Variants in TRAP1 observed in about 807,000 individuals in gnomAD.
TRAP1 encodes the protein TNF receptor associated protein 1, also known as heat shock protein 75 kDa, mitochondrial.
TRAP1 carries 102 observed loss-of-function variants against 89.1 expected under a neutral mutation model. That is an observed-to-expected ratio of 1.15 (90% CI 0.98 to 1.35). The LOEUF (loss-of-function observed/expected upper bound fraction) is 1.35, where lower values mean the gene tolerates loss of function less well. Among genes scored for constraint, TRAP1 ranks in the 40% most tolerant of loss-of-function variants. TRAP1 has a pLI of 0.00. For synonymous variants in TRAP1, 508 were observed against 388.0 expected, an observed-to-expected ratio of 1.31 and a Z score of -3.64; for missense variants, 1,256 against 945.3, an observed-to-expected ratio of 1.33 and a Z score of -4.31.
chr16:3,695,994 G>T (rs577024334), intron 1 of TRAP1, among the ~76,000 whole-genome samples: 1 of 152,124 alleles, frequency 6.6e-6, no homozygotes, highest in Non-Finnish European at 1.5e-5. Context: ...AATCAATACC[G>T]GAACATTTAC....
Position 3,658,039 on chromosome 16 carries a change from G to T in TRAP1, c.*90C>A. 4 of 1,607,568 alleles carry T rather than the reference G, an allele frequency of 2.5e-6. No individual in the cohort carries two copies. The highest frequency in any genetic ancestry group is 2.2e-5 in the South Asian group (2 of 90,556). On this transcript the variant is annotated 3_prime_UTR_variant, in exon 18 of 18. Transcript: ENST00000246957. ...CAGAAAAAAAGCCCAACACACACTC[G>T]GGTTAAGAAATACCTTTAAATTTAG...
At chr16:3,711,911 C>A (rs17136481) in intron 1 of TRAP1, among the ~76,000 whole-genome samples, 3,115 of 152,236 alleles carry the variant, frequency 0.02, 56 homozygotes, top group South Asian at 0.051. Flanking sequence ...CCAAAAACGC[C>A]ATCCATGAAC....
intron 1 of TRAP1, among the ~76,000 whole-genome samples, chr16:3,712,285 CAAAAAAAAAAAAAAAAAAAA>C (rs764259574): frequency 1.6e-4 from 5 of 32,054 alleles, no homozygotes; most frequent in Non-Finnish European, 2.2e-4. Flanking sequence ...GAATCTGTCT[CAAAAAAAAAAAAAAAAAAAA>C]AAAAAAAAAA....
intron 13 of TRAP1, chr16:3,663,863 GGA>G (rs1411703061): frequency 5.0e-6 from 2 of 402,768 alleles, no homozygotes; most frequent in Non-Finnish European, 9.1e-6. Context: ...CATGAGGTCA[GGA>G]GTTCGAGACC....
At chr16:3,698,317 A>C (rs534565231) in intron 1 of TRAP1, among the ~76,000 whole-genome samples, 2 of 148,810 alleles carry the variant, frequency 1.3e-5, no homozygotes, top group East Asian at 2.1e-4. Flanking sequence ...TTCCACAACA[A>C]CTTTTTTTTT....
chr16:3,692,966 GT>G lies in TRAP1; in HGVS notation c.89-1982del, dbSNP rs34085145. Among the ~76,000 whole-genome samples, 157 of 143,858 alleles carry G rather than the reference GT, an allele frequency of 1.1e-3. 1 individual carries two copies. The highest frequency in any genetic ancestry group is 3.8e-3 in the African/African-American group (147 of 38,734). 94.4% of individuals were successfully genotyped at this position (143,858 alleles called of 152,430 possible). A position where few individuals can be genotyped will look rare whatever the true frequency, so the allele number is the denominator to read the frequency against. On this transcript the variant is annotated intron_variant, in intron 1 of 17. Transcript: ENST00000246957. ...AGCACAAACCTGGCCTTTTGTTTTT[GT>G]TTTTTTTTGAGATGGAGTCTCGCTC... is the stretch of plus-strand genomic sequence containing the variant.
chr16:3,698,318 CTTT>C (rs766928982), intron 1 of TRAP1, among the ~76,000 whole-genome samples: 2 of 141,664 alleles, frequency 1.4e-5, no homozygotes, highest in Non-Finnish European at 1.6e-5. Flanking sequence ...TCCACAACAA[CTTT>C]TTTTTTTTTT....
Position 3,698,678 on chromosome 16 carries a change from C to A in TRAP1, c.89-7693G>T, listed in dbSNP as rs112455953. On this transcript the variant is annotated intron_variant, in intron 1 of 17. Coordinates refer to ENST00000246957, the MANE Select transcript of TRAP1 (RefSeq NM_016292.3). ...TCCCAGCACTTTGGGAGGCCAAGGC[C>A]GGGGGGTCGCTTCAGCTCAGGAGTT... is the stretch of plus-strand genomic sequence containing the variant. Among the ~76,000 whole-genome samples the A allele has an allele frequency of 1.3e-4, 19 of 151,628 alleles. No homozygotes were observed. In the East Asian group the frequency reaches 2.0e-3, roughly 16 times the overall value.
At chr16:3,663,266 C>T (rs1280151549) in intron 14 of TRAP1, 158 bp downstream of exon 14, 3 of 957,332 alleles carry the variant, frequency 3.1e-6, no homozygotes, top group African/African-American at 3.3e-5. Flanking sequence ...CAGGAGGCAC[C>T]TTCCTCCAGT....
At chr16:3,666,604 G>C (rs556381537) in intron 11 of TRAP1, among the ~76,000 whole-genome samples, 21 of 151,590 alleles carry the variant, frequency 1.4e-4, no homozygotes, top group Non-Finnish European at 2.8e-4. Flanking sequence ...AATGACATGA[G>C]AAAGTTAGCT....
chr16:3,701,208 G>A (rs1303699810), intron 1 of TRAP1, among the ~76,000 whole-genome samples: 2 of 152,082 alleles, frequency 1.3e-5, no homozygotes, highest in African/African-American at 4.8e-5. Flanking sequence ...GAAAAAAGAA[G>A]GATATTTCAG....
At chr16:3,667,555 G>T (rs1469006090) in intron 11 of TRAP1, among the ~76,000 whole-genome samples, 1 of 151,318 alleles carries the variant, frequency 6.6e-6, no homozygotes, top group Non-Finnish European at 1.5e-5. Context: ...AATCCGGGAG[G>T]CAGAGGTTTC....
chr16:3,703,990 G>A (rs2051405071), intron 1 of TRAP1, among the ~76,000 whole-genome samples: 2 of 148,746 alleles, frequency 1.3e-5, no homozygotes, highest in Non-Finnish European at 3.0e-5. Context: ...ACTCCAGCCT[G>A]GGCGACAGAG....
At chr16:3,659,163 A>G (rs1220294395) in intron 16 of TRAP1, 2 of 308,838 alleles carry the variant, frequency 6.5e-6, no homozygotes, top group Non-Finnish European at 1.2e-5. Context: ...CTAGATAAAT[A>G]ATAAAAGAGA....
chr16:3,706,508 G>A lies in TRAP1; in HGVS notation c.88+10913C>T, dbSNP rs114987026. On this transcript the variant is annotated intron_variant, in intron 1 of 17. Coordinates refer to ENST00000246957, the MANE Select transcript of TRAP1 (RefSeq NM_016292.3). Reference sequence around the variant, plus strand: ...TAGGTTCTTGCTCTTTGACCAGGCTGAAGTGCAGTGGCACAATCACAGCTC... The same window carrying A: ...TAGGTTCTTGCTCTTTGACCAGGCTAAAGTGCAGTGGCACAATCACAGCTC... Among the ~76,000 whole-genome samples, 893 of 134,276 alleles carry A rather than the reference G, an allele frequency of 6.7e-3. 9 individuals carry two copies. Among genetic ancestry groups the A allele is most frequent in the African/African-American group, 0.024 (845 of 35,196 alleles). The allele number at this position is 134,276 out of a possible 152,430, so 88.1% of individuals were successfully genotyped here. A position where few individuals can be genotyped will look rare whatever the true frequency, so the allele number is the denominator to read the frequency against.
rs866269232 is a variant in TRAP1 at position 3,679,735 on chromosome 16, G to A, written c.527C>T (p.Ala176Val). ...CACGCTTACCTTTGACCCCGATCTG[G>A]CAATCGTCCCCAGGTTGGACACCAG... ...EELVSNLGTIARSGSKAFLDA... is the reference protein window; with the variant it reads ...EELVSNLGTIVRSGSKAFLDA... The change falls in exon 5 of 18, where the codon GCC (alanine) becomes GTC (valine). Residue 176 changes from alanine to valine, a missense_variant. Physicochemically the swap from Ala to Val is moderately conservative, Grantham distance 64. Transcript: ENST00000246957. 1 of 1,614,084 alleles carries A rather than the reference G, an allele frequency of 6.2e-7. No homozygotes were observed. Among genetic ancestry groups the A allele is most frequent in the African/African-American group, 1.3e-5 (1 of 75,038 alleles).
chr16:3,667,085 G>T lies in TRAP1; in HGVS notation c.1236-967C>A, dbSNP rs376166337. Reference sequence around the variant, plus strand: ...GACATGCCTTCGTGCCTGGGAGCGGGGGGACAGTAGCCCAGGATGCGGTGC... The same window carrying T: ...GACATGCCTTCGTGCCTGGGAGCGGTGGGACAGTAGCCCAGGATGCGGTGC... On this transcript the variant is annotated intron_variant, in intron 11 of 17. Transcript: ENST00000246957. 1.6e-3 allele frequency among the ~76,000 whole-genome samples: 241 copies of T among 152,260 alleles called. 5 individuals carry two copies. Among genetic ancestry groups the T allele is most frequent in the Middle Eastern group, 0.01 (3 of 294 alleles).
chr16:3,681,251 G>T (rs141801325), intron 4 of TRAP1, among the ~76,000 whole-genome samples: 3 of 152,146 alleles, frequency 2.0e-5, no homozygotes, highest in African/African-American at 7.2e-5. Flanking sequence ...CCTTTCTAAA[G>T]ACTTCCTCTC....
chr16:3,664,129 G>A (rs1723012988), intron 13 of TRAP1, 145 bp downstream of exon 13: 6 of 820,700 alleles, frequency 7.3e-6, no homozygotes, highest in South Asian at 2.3e-5. Flanking sequence ...CGTCACAGTC[G>A]GTCCGGCCTC....
Sources: gnomAD v4.1 joint callset for allele counts (sites outside exome capture counted in the v4.1 genomes callset) on GRCh38, gnomAD v4.1.1 for gene constraint, MANE v1.5 for transcripts, NCBI Gene and HGNC (gene_info 2026-07-23, HGNC 2026-07-21) for gene names.